The following PRICKLE2 variants were observed in gnomAD, a reference collection of about 807,000 sequenced individuals.
The protein encoded by PRICKLE2 is prickle planar cell polarity protein 2, also known as prickle-like protein 2.
PRICKLE2 carries 21 observed loss-of-function variants against 81.4 expected under a neutral mutation model. The ratio of observed to expected loss-of-function variants is 0.26; its 90% confidence interval spans 0.18 to 0.37. The LOEUF (loss-of-function observed/expected upper bound fraction) is 0.37. PRICKLE2 is among the 10% of genes least tolerant of loss of function. The pLI is 1.00. For missense variants in PRICKLE2, 940 were observed against 1,109.0 expected (o/e 0.85, Z 2.16); for synonymous variants, 456 against 421.5 (o/e 1.08, Z -1.00).
At chr3:64,118,547 A>G (rs1340655100) in intron 7 of PRICKLE2, among the ~76,000 whole-genome samples, 2 of 152,230 alleles carry the variant, frequency 1.3e-5, no homozygotes, top group Admixed American at 1.3e-4. Flanking sequence ...GAACATGAAC[A>G]CATACTTTTC....
chr3:64,255,106 G>A (rs2079506774), intron 2 of PRICKLE2, among the ~76,000 whole-genome samples: 1 of 152,170 alleles, frequency 6.6e-6, no homozygotes. Flanking sequence ...TGTGAGCCAT[G>A]TTGGCCAAAT....
intron 2 of PRICKLE2, among the ~76,000 whole-genome samples, chr3:64,191,579 T>A (rs970522561): frequency 2.6e-5 from 4 of 152,172 alleles, no homozygotes; most frequent in Non-Finnish European, 2.9e-5. Context: ...ACAGGAAGAG[T>A]AATTACTAAA....
At chr3:64,232,883 T>G (rs1210761387) in intron 2 of PRICKLE2, among the ~76,000 whole-genome samples, 3 of 152,180 alleles carry the variant, frequency 2.0e-5, no homozygotes, top group Admixed American at 6.5e-5. Flanking sequence ...CCTTCACCCC[T>G]GACATCTAAT....
At chr3:64,178,965 T>A (rs2078070131) in intron 2 of PRICKLE2, among the ~76,000 whole-genome samples, 1 of 21,708 alleles carries the variant, frequency 4.6e-5, no homozygotes. Flanking sequence ...CATACATATT[T>A]TCTTTCTTTC....
At chr3:64,153,126 A>C (rs1559543226) in intron 6 of PRICKLE2, 56 bp downstream of exon 6, 1 of 1,526,006 alleles carries the variant, frequency 6.6e-7, no homozygotes, top group Non-Finnish European at 9.1e-7. Flanking sequence ...ACTACACCCA[A>C]AACAAAGGTG....
At chr3:64,243,508 A>G (rs375154710) in intron 2 of PRICKLE2, among the ~76,000 whole-genome samples, 1 of 152,186 alleles carries the variant, frequency 6.6e-6, no homozygotes, top group East Asian at 1.9e-4. Flanking sequence ...GGGTTCATAT[A>G]AGGTAGAGGA....
In PRICKLE2 at chr3:64,096,279, T is replaced by C. The variant is rs27383; in HGVS notation, c.*2772A>G. 0.93 allele frequency: 141,529 copies of C among 152,240 alleles called. 66,537 individuals carry two copies. Among genetic ancestry groups the C allele is most frequent in the Non-Finnish European group, 1 (67,900 of 68,052 alleles). 9.4% of individuals were successfully genotyped at this position (152,240 alleles called of 1,614,324 possible). A position where few individuals can be genotyped will look rare whatever the true frequency, so the allele number is the denominator to read the frequency against. ...TCTAAGAGGAAGTGAGTACAGGCCC[T>C]ACTCACAGGAGGAGCTTGTCCAATA... On this transcript the variant is annotated 3_prime_UTR_variant, in exon 8 of 8. Coordinates refer to ENST00000638394, the MANE Select transcript of PRICKLE2 (RefSeq NM_198859.4).
At chr3:64,106,071 C>T (rs558534924) in intron 7 of PRICKLE2, 1 of 152,302 alleles carries the variant, frequency 6.6e-6, no homozygotes, top group African/African-American at 2.4e-5. Flanking sequence ...TGACCTCATA[C>T]CTGGTATTCA....
chr3:64,161,997 T>C (rs995469646), intron 3 of PRICKLE2, among the ~76,000 whole-genome samples: 3 of 152,198 alleles, frequency 2.0e-5, no homozygotes, highest in Non-Finnish European at 1.5e-5. Flanking sequence ...TAGCTCTCTT[T>C]TTAGGGAACT....
At chr3:64,209,874 C>G (rs1960454) in intron 1 of PRICKLE2, among the ~76,000 whole-genome samples, 50,863 of 152,126 alleles carry the variant, frequency 0.33, 10,178 homozygotes, top group Admixed American at 0.45. Flanking sequence ...TGGGTGAGGA[C>G]GGGCCTCCCA....
At chr3:64,209,045 C>T (rs1296516854) in intron 1 of PRICKLE2, among the ~76,000 whole-genome samples, 1 of 152,016 alleles carries the variant, frequency 6.6e-6, no homozygotes, top group African/African-American at 2.4e-5. Flanking sequence ...ATCTATCCAT[C>T]CATCCACCTG....
intron 2 of PRICKLE2, among the ~76,000 whole-genome samples, chr3:64,238,309 G>A (rs774645044): frequency 9.9e-5 from 15 of 151,948 alleles, no homozygotes; most frequent in Non-Finnish European, 1.9e-4. Context: ...ACAACATGGT[G>A]AAACCTCGTC....
intron 7 of PRICKLE2, chr3:64,145,774 G>C (rs1462786191): frequency 6.6e-6 from 1 of 151,914 alleles, no homozygotes; most frequent in Non-Finnish European, 1.5e-5. Flanking sequence ...GGGGCAACTG[G>C]GCTCCAGGTG....
intron 2 of PRICKLE2, among the ~76,000 whole-genome samples, chr3:64,183,695 C>T (rs696226): frequency 0.046 from 7,040 of 152,208 alleles, 235 homozygotes; most frequent in Middle Eastern, 0.11. Flanking sequence ...GGAAACATTG[C>T]CATGTTTATT....
intron 7 of PRICKLE2, among the ~76,000 whole-genome samples, chr3:64,118,050 A>G (rs1338503400): frequency 6.6e-6 from 1 of 152,206 alleles, no homozygotes; most frequent in Admixed American, 6.5e-5. Flanking sequence ...GTAAGGCCAC[A>G]CACCTATAGC....
chr3:64,192,051 G>A (rs769978175), intron 2 of PRICKLE2, among the ~76,000 whole-genome samples: 1 of 152,238 alleles, frequency 6.6e-6, no homozygotes, highest in Non-Finnish European at 1.5e-5. Context: ...AAACTCTGAA[G>A]CAATTGGGAT....
intron 2 of PRICKLE2, among the ~76,000 whole-genome samples, chr3:64,254,832 G>A (rs2079501356): frequency 6.6e-6 from 1 of 152,136 alleles, no homozygotes; most frequent in Non-Finnish European, 1.5e-5. Flanking sequence ...GAAGATTTGA[G>A]TCCAACTACC....
chr3:64,220,174 C>T lies in PRICKLE2; in HGVS notation c.-41+4736G>A, dbSNP rs541702227. Among the ~76,000 whole-genome samples, 13 of 152,288 alleles carry T rather than the reference C, an allele frequency of 8.5e-5. No homozygotes were observed. The South Asian group carries it at 2.3e-3, about 27-fold the overall frequency. ...AGTTAAGTCTTGGAACTTTCATGAG[C>T]AGGCATCTCTAAGGACTCATAACTG... On this transcript the variant is annotated intron_variant, in intron 1 of 7. Transcript: ENST00000638394.
chr3:64,101,958 A>T (rs1642325507), intron 7 of PRICKLE2: 1 of 152,228 alleles, frequency 6.6e-6, no homozygotes, highest in African/African-American at 2.4e-5. Flanking sequence ...GGTGAGATGC[A>T]ACTGCACCCT....
Sources: allele counts gnomAD v4.1 joint callset (sites outside exome capture counted in the v4.1 genomes callset), GRCh38; gene constraint gnomAD v4.1.1; transcripts MANE v1.5; gene names NCBI Gene and HGNC (gene_info 2026-07-23, HGNC 2026-07-21).